Variants in CACNA1E observed in about 807,000 individuals in gnomAD.
CACNA1E encodes the protein voltage-dependent R-type calcium channel subunit alpha-1E.
Under a neutral mutation model 259.2 loss-of-function variants are expected in CACNA1E, and 40 were observed. The observed-to-expected ratio is 0.15, with a 90% confidence interval of 0.12 to 0.20. CACNA1E has a LOEUF of 0.20. Ranked by LOEUF, CACNA1E falls within the 10% of genes least tolerant of loss-of-function variation. The probability of loss-of-function intolerance (pLI) is 1.00; values close to 1 mark genes in which losing one functional copy is unlikely to be tolerated. For synonymous variants in CACNA1E, 1,104 were observed against 1,138.5 expected (o/e 0.97, Z 0.61); for missense variants, 1,874 against 3,040.1 (o/e 0.62, Z 9.02).
chr1:181,543,174 C>T (rs1399017488), intron 3 of CACNA1E, among the ~76,000 whole-genome samples: 2 of 152,030 alleles, frequency 1.3e-5, no homozygotes, highest in Admixed American at 1.3e-4. Context: ...GCCCCACTCC[C>T]TGTGTTTCTA....
intron 6 of CACNA1E, among the ~76,000 whole-genome samples, chr1:181,648,160 T>C (rs866823247): frequency 6.6e-6 from 1 of 152,352 alleles, no homozygotes. Flanking sequence ...GCTATGAGAA[T>C]GAATTGTATC....
chr1:181,352,811 C>G (rs879587923), intron 1 of CACNA1E, among the ~76,000 whole-genome samples: 3 of 152,176 alleles, frequency 2.0e-5, no homozygotes, highest in Non-Finnish European at 4.4e-5. Flanking sequence ...TTTGATCTGT[C>G]TCAGTGCAGG....
intron 1 of CACNA1E, among the ~76,000 whole-genome samples, chr1:181,360,836 T>C (rs779178696): frequency 5.9e-5 from 9 of 152,302 alleles, no homozygotes; most frequent in African/African-American, 7.2e-5. Context: ...AAAAATATTG[T>C]TCTACTACCA....
intron 1 of CACNA1E, among the ~76,000 whole-genome samples, chr1:181,347,739 T>A (rs1429969807): frequency 6.6e-6 from 1 of 152,250 alleles, no homozygotes; most frequent in Non-Finnish European, 1.5e-5. Flanking sequence ...ATGGAATTGG[T>A]GACAGCAAGT....
intron 7 of CACNA1E, among the ~76,000 whole-genome samples, chr1:181,670,837 T>C (rs1199951929): frequency 1.3e-5 from 2 of 152,202 alleles, no homozygotes; most frequent in Non-Finnish European, 2.9e-5. Context: ...CATTGTATGT[T>C]CTATTTAGAT....
At chr1:181,597,602 A>C (rs1226638246) in intron 6 of CACNA1E, among the ~76,000 whole-genome samples, 1 of 152,150 alleles carries the variant, frequency 6.6e-6, no homozygotes, top group Non-Finnish European at 1.5e-5. Flanking sequence ...CTCGAAGGTG[A>C]TGGATCGGTC....
At chr1:181,640,390 A>G (rs1175831045) in intron 6 of CACNA1E, among the ~76,000 whole-genome samples, 1 of 152,196 alleles carries the variant, frequency 6.6e-6, no homozygotes, top group Non-Finnish European at 1.5e-5. Context: ...TGGAGATACA[A>G]AGACTTACAA....
chr1:181,544,745 G>A (rs1421958242), intron 3 of CACNA1E, among the ~76,000 whole-genome samples: 1 of 152,196 alleles, frequency 6.6e-6, no homozygotes, highest in Non-Finnish European at 1.5e-5. Context: ...TGGGGAAGCA[G>A]CAGGCTGACC....
At chr1:181,530,508 C>T (rs1023564605) in intron 3 of CACNA1E, among the ~76,000 whole-genome samples, 4 of 152,154 alleles carry the variant, frequency 2.6e-5, no homozygotes, top group Non-Finnish European at 5.9e-5. Flanking sequence ...GGAAAGCCCA[C>T]CTAGACCCAA....
At chr1:181,665,018 G>C (rs904388889) in intron 7 of CACNA1E, among the ~76,000 whole-genome samples, 1 of 152,098 alleles carries the variant, frequency 6.6e-6, no homozygotes, top group African/African-American at 2.4e-5. Context: ...TCCATTCTCT[G>C]TTCAAGTTTT....
Position 181,375,123 on chromosome 1 carries a change from G to A in CACNA1E, c.-14-38010G>A, listed in dbSNP as rs547625055. Among the ~76,000 whole-genome samples the A allele has an allele frequency of 7.2e-5, 11 of 152,262 alleles. No homozygotes were observed. In the East Asian group the frequency reaches 2.1e-3, roughly 29 times the overall value. On this transcript the variant is annotated intron_variant, in intron 1 of 11. Coordinates refer to the CACNA1E transcript ENST00000524607. ...AACTTCTTTGCAGCTAGAATAAGAA[G>A]AGAACACAATTAGTCACAGGTGTCA...
chr1:181,353,161 C>T (rs1653167069), intron 1 of CACNA1E, among the ~76,000 whole-genome samples: 1 of 152,164 alleles, frequency 6.6e-6, no homozygotes, highest in Non-Finnish European at 1.5e-5. Context: ...ATGACCTTCT[C>T]CACTAACCCT....
intron 1 of CACNA1E, among the ~76,000 whole-genome samples, chr1:181,318,691 G>GCGAAGTTTC (rs1443952079): frequency 6.6e-6 from 1 of 152,234 alleles, no homozygotes; most frequent in African/African-American, 2.4e-5. Flanking sequence ...TGAGCTTGCA[G>GCGAAGTTTC]CGAAGTTTCC....
intron 7 of CACNA1E, among the ~76,000 whole-genome samples, chr1:181,676,029 T>C (rs1649340742): frequency 7.6e-6 from 1 of 131,892 alleles, no homozygotes; most frequent in Non-Finnish European, 1.5e-5. Flanking sequence ...CAAGCGACAG[T>C]GTGTGCTGTG....
At chr1:181,447,365 A>G (rs1250784112) in intron 2 of CACNA1E, among the ~76,000 whole-genome samples, 1 of 151,752 alleles carries the variant, frequency 6.6e-6, no homozygotes, top group Non-Finnish European at 1.5e-5. Flanking sequence ...ATCTCTAAAA[A>G]AAAAAAAGAA....
chr1:181,446,846 C>T (rs909587692), intron 2 of CACNA1E, among the ~76,000 whole-genome samples: 1 of 152,022 alleles, frequency 6.6e-6, no homozygotes, highest in Non-Finnish European at 1.5e-5. Context: ...GTGTTATTTC[C>T]AGATCCTGTG....
At chr1:181,756,751 GA>G (rs1337839719) in intron 29 of CACNA1E, among the ~76,000 whole-genome samples, 173 bp from the exon 30 acceptor site, 1 of 152,218 alleles carries the variant, frequency 6.6e-6, no homozygotes, top group East Asian at 1.9e-4. Flanking sequence ...AGGCTAGAAA[GA>G]GAAGTGGATT....
chr1:181,428,024 C>T (rs1272177378), intron 2 of CACNA1E, among the ~76,000 whole-genome samples: 2 of 152,150 alleles, frequency 1.3e-5, no homozygotes, highest in Non-Finnish European at 2.9e-5. Context: ...TTCCCAGTTG[C>T]TTTGCAGTTA....
At chr1:181,517,567 T>G (rs1263104549) in intron 3 of CACNA1E, among the ~76,000 whole-genome samples, 1 of 151,798 alleles carries the variant, frequency 6.6e-6, no homozygotes, top group African/African-American at 2.4e-5. Flanking sequence ...CTCCACATCC[T>G]TAGCTGCAGT....
Sources: gnomAD v4.1 joint callset for allele counts (sites outside exome capture counted in the v4.1 genomes callset) on GRCh38, gnomAD v4.1.1 for gene constraint, MANE v1.5 for transcripts, NCBI Gene and HGNC (gene_info 2026-07-23, HGNC 2026-07-21) for gene names.